The following KCND3 variants were observed in gnomAD, a reference collection of about 807,000 sequenced individuals.
KCND3 encodes the protein A-type voltage-gated potassium channel KCND3.
Under a neutral mutation model 51.1 loss-of-function variants are expected in KCND3, and 9 were observed. The ratio of observed to expected loss-of-function variants is 0.18; its 90% CI spans 0.11 to 0.31. The LOEUF is 0.31. Ranked by LOEUF, KCND3 falls within the 10% of genes least tolerant of loss-of-function variation. The pLI, the probability that KCND3 is intolerant of heterozygous loss-of-function variation, is 1.00. For synonymous variants in KCND3, 349 were observed against 368.0 expected, an observed-to-expected ratio of 0.95 and a Z score of 0.59; for missense variants, 526 against 903.8, an observed-to-expected ratio of 0.58 and a Z score of 5.36.
intron 2 of KCND3, among the ~76,000 whole-genome samples, chr1:111,962,898 C>T (rs1047509097): frequency 6.6e-6 from 1 of 152,236 alleles, no homozygotes; most frequent in Non-Finnish European, 1.5e-5. Context: ...CAAGCAGAGG[C>T]TTCAACAGAG....
intron 2 of KCND3, among the ~76,000 whole-genome samples, chr1:111,852,360 T>G (rs1463673666): frequency 6.6e-6 from 1 of 152,210 alleles, no homozygotes. Flanking sequence ...CTCAGCAACA[T>G]GCCTAGCAGG....
At chr1:111,879,213 T>A (rs561866284) in intron 2 of KCND3, among the ~76,000 whole-genome samples, 2 of 152,268 alleles carry the variant, frequency 1.3e-5, no homozygotes, top group South Asian at 4.2e-4. Context: ...ATAATAACTC[T>A]CTTTCTCTCT....
chr1:111,964,589 C>A (rs1395571698), intron 2 of KCND3, among the ~76,000 whole-genome samples: 1 of 152,318 alleles, frequency 6.6e-6, no homozygotes, highest in East Asian at 1.9e-4. Flanking sequence ...GGGAAAACAC[C>A]AGCACACTTG....
rs1663973485 is a variant in KCND3, at chr1:111,772,768, G to A, written c.*3309C>T. On this transcript the variant is annotated 3_prime_UTR_variant, in exon 8 of 8. Coordinates refer to ENST00000302127, the MANE Select transcript of KCND3 (RefSeq NM_001378969.1). ...AACTGTTAGGTTGGTTGGTTGGTTT[G>A]TTTTTCCCTCCCCCTCTTAATGCTG... is the stretch of plus-strand genomic sequence containing the variant. 6.6e-6 allele frequency: 1 copy of A among 152,126 alleles called. No homozygotes were observed. The highest frequency in any genetic ancestry group is 1.9e-4 in the East Asian group (1 of 5,196). The allele number at this position is 152,126 out of a possible 1,614,324, so 9.4% of individuals were successfully genotyped here.
chr1:111,956,174 C>T (rs1030284565), intron 2 of KCND3, among the ~76,000 whole-genome samples: 11 of 151,972 alleles, frequency 7.2e-5, no homozygotes, highest in Non-Finnish European at 1.2e-4. Context: ...AGCTGGAGTC[C>T]TTGGAGACCG....
intron 2 of KCND3, among the ~76,000 whole-genome samples, chr1:111,794,698 C>T (rs936999632): frequency 6.6e-6 from 1 of 152,106 alleles, no homozygotes; most frequent in Non-Finnish European, 1.5e-5. Context: ...CCTCCTTGTC[C>T]GGGGGCAAAA....
At chr1:111,925,765 A>G (rs1023718155) in intron 2 of KCND3, among the ~76,000 whole-genome samples, 4 of 152,096 alleles carry the variant, frequency 2.6e-5, no homozygotes, top group Non-Finnish European at 5.9e-5. Context: ...AGGCCCTCCT[A>G]TTGAAAGCTG....
intron 2 of KCND3, among the ~76,000 whole-genome samples, chr1:111,857,697 TC>T (rs1668142771): frequency 6.7e-6 from 1 of 150,178 alleles, no homozygotes; most frequent in South Asian, 2.1e-4. Context: ...TGGAAGGTCC[TC>T]CCCAGCGCCA....
At chr1:111,852,833 G>A (rs1667885217) in intron 2 of KCND3, among the ~76,000 whole-genome samples, 1 of 152,168 alleles carries the variant, frequency 6.6e-6, no homozygotes, top group Non-Finnish European at 1.5e-5. Context: ...AGGCAGGTGG[G>A]CTTGCCTAGT....
chr1:111,929,767 C>T (rs1671874732), intron 2 of KCND3, among the ~76,000 whole-genome samples: 2 of 152,208 alleles, frequency 1.3e-5, no homozygotes, highest in South Asian at 2.1e-4. Flanking sequence ...CCTTTGGCTG[C>T]CTGTCCCCTC....
At chr1:111,835,338 A>T (rs1538388) in intron 2 of KCND3, among the ~76,000 whole-genome samples, 82,518 of 152,050 alleles carry the variant, frequency 0.54, 22,852 homozygotes, top group Non-Finnish European at 0.6. Context: ...ATTTTATGTA[A>T]ATCCAGATCC....
intron 2 of KCND3, among the ~76,000 whole-genome samples, chr1:111,823,251 G>A (rs1666427407): frequency 6.6e-6 from 1 of 152,200 alleles, no homozygotes; most frequent in Non-Finnish European, 1.5e-5. Flanking sequence ...TTCTAAGCAG[G>A]CAGTGGCATG....
chr1:111,798,547 C>T (rs534252580), intron 2 of KCND3, among the ~76,000 whole-genome samples: 1 of 151,944 alleles, frequency 6.6e-6, no homozygotes, highest in East Asian at 1.9e-4. Context: ...CTGCACGATG[C>T]CAAGTAGGGA....
intron 6 of KCND3, among the ~76,000 whole-genome samples, chr1:111,778,118 G>A (rs368965885): frequency 1.3e-5 from 2 of 152,214 alleles, no homozygotes; most frequent in East Asian, 3.8e-4. Flanking sequence ...AATACCAGGA[G>A]TCCCCACGGA....
chr1:111,806,552 T>C (rs551908310), intron 2 of KCND3, among the ~76,000 whole-genome samples: 16 of 152,324 alleles, frequency 1.1e-4, no homozygotes, highest in Non-Finnish European at 2.4e-4. Flanking sequence ...ACATGGTTAT[T>C]GTGAGGAAAA....
At chr1:111,855,159 G>A (rs572901521) in intron 2 of KCND3, among the ~76,000 whole-genome samples, 46 of 152,278 alleles carry the variant, frequency 3.0e-4, no homozygotes, top group African/African-American at 9.1e-4. Context: ...GTCAAACCCA[G>A]ACTGAAACCT....
intron 2 of KCND3, among the ~76,000 whole-genome samples, chr1:111,867,677 A>G (rs1380419528): frequency 1.3e-5 from 2 of 152,212 alleles, no homozygotes; most frequent in Non-Finnish European, 2.9e-5. Flanking sequence ...CTAGGGTAGT[A>G]TGCACATCTA....
chr1:111,951,157 C>CAAAAAA (rs71081206), intron 2 of KCND3, among the ~76,000 whole-genome samples: 16 of 30,636 alleles, frequency 5.2e-4, no homozygotes, highest in Non-Finnish European at 1.0e-3. Context: ...CAAACAAGAG[C>CAAAAAA]AAAAAAAAAA....
chr1:111,897,678 G>A (rs1670187781), intron 2 of KCND3, among the ~76,000 whole-genome samples: 1 of 152,236 alleles, frequency 6.6e-6, no homozygotes, highest in Non-Finnish European at 1.5e-5. Context: ...CTGGGGTACA[G>A]AAAGAAGCTA....
Sources: gnomAD v4.1 joint callset for allele counts (sites outside exome capture counted in the v4.1 genomes callset) on GRCh38, gnomAD v4.1.1 for gene constraint, MANE v1.5 for transcripts, NCBI Gene and HGNC (gene_info 2026-07-23, HGNC 2026-07-21) for gene names.